Variants in TARP observed in about 807,000 individuals in gnomAD.
the TARP span, among the ~76,000 whole-genome samples, chr7:38,270,159 A>T: frequency 6.6e-6 from 1 of 151,986 alleles, no homozygotes; most frequent in Non-Finnish European, 1.5e-5. Flanking sequence ...CATTGTTATG[A>T]TTAGCAATCT....
the TARP span, among the ~76,000 whole-genome samples, chr7:38,263,396 G>A: frequency 2.0e-5 from 3 of 151,862 alleles, no homozygotes; most frequent in African/African-American, 7.3e-5. Context: ...CATATGAAAA[G>A]TACTTTGTAG....
chr7:38,266,658 T>G, the TARP span, among the ~76,000 whole-genome samples: 1 of 151,626 alleles, frequency 6.6e-6, no homozygotes, highest in African/African-American at 2.4e-5. Context: ...AGAATCTACT[T>G]CCGCATGTAC....
At chr7:38,264,025 A>G in the TARP span, among the ~76,000 whole-genome samples, 1 of 151,990 alleles carries the variant, frequency 6.6e-6, no homozygotes, top group African/African-American at 2.4e-5. Flanking sequence ...TGAGGTAAAA[A>G]GAATAAAGTA....
the TARP span, among the ~76,000 whole-genome samples, chr7:38,266,083 G>C: frequency 1.3e-4 from 19 of 150,928 alleles, no homozygotes; most frequent in Admixed American, 2.7e-4. Flanking sequence ...TGGATGGCAG[G>C]GGAAAGTGGA....
chr7:38,264,356 C>T, the TARP span, among the ~76,000 whole-genome samples: 1 of 151,452 alleles, frequency 6.6e-6, no homozygotes, highest in Non-Finnish European at 1.5e-5. Context: ...ACTTGGAGGC[C>T]GAGGTGGATG....
chr7:38,263,159 A>G, the TARP span, among the ~76,000 whole-genome samples: 1 of 151,912 alleles, frequency 6.6e-6, no homozygotes, highest in Non-Finnish European at 1.5e-5. Flanking sequence ...AATAAAAGCT[A>G]ACATCTACTG....
the TARP span, chr7:38,269,391 C>G: frequency 1.5e-6 from 1 of 646,568 alleles, no homozygotes; most frequent in Non-Finnish European, 2.8e-6. Context: ...AATCCCCATC[C>G]AATTCCTCTT....
chr7:38,266,780 T>G, the TARP span, among the ~76,000 whole-genome samples: 1 of 151,858 alleles, frequency 6.6e-6, no homozygotes, highest in Admixed American at 6.6e-5. Flanking sequence ...ACCCTCCAAG[T>G]TTTGGGATGC....
the TARP span, chr7:38,273,507 G>T: frequency 1.8e-6 from 2 of 1,131,898 alleles, no homozygotes; most frequent in Non-Finnish European, 2.6e-6. Flanking sequence ...ACCAAGGAGG[G>T]AATCCTAGAA....
chr7:38,263,215 A>ATTT, the TARP span, among the ~76,000 whole-genome samples: 1 of 146,560 alleles, frequency 6.8e-6, no homozygotes, highest in African/African-American at 2.6e-5. Context: ...CTTCCCATGC[A>ATTT]TTTTTTGTTT....
chr7:38,268,548 T>C, the TARP span, among the ~76,000 whole-genome samples: 3 of 151,360 alleles, frequency 2.0e-5, no homozygotes, highest in African/African-American at 7.3e-5. Context: ...CTTTTTTTCC[T>C]GAGACATATG....
At chr7:38,272,892 C>T in the TARP span, among the ~76,000 whole-genome samples, 1 of 151,020 alleles carries the variant, frequency 6.6e-6, no homozygotes, top group Non-Finnish European at 1.5e-5. Context: ...TTCATTTTAT[C>T]ATAAGATCTC....
the TARP span, among the ~76,000 whole-genome samples, chr7:38,269,917 C>T: frequency 1.3e-5 from 2 of 151,802 alleles, no homozygotes; most frequent in Non-Finnish European, 2.9e-5. Context: ...CTGGGCAACA[C>T]AGTGAGACCC....
chr7:38,270,026 T>C, the TARP span, among the ~76,000 whole-genome samples: 2 of 151,894 alleles, frequency 1.3e-5, no homozygotes, highest in African/African-American at 4.8e-5. Flanking sequence ...CACTTGAGCC[T>C]AGGAGTTCGA....
At chr7:38,261,422 T>C in the TARP span, among the ~76,000 whole-genome samples, 1 of 150,932 alleles carries the variant, frequency 6.6e-6, no homozygotes, top group African/African-American at 2.4e-5. Flanking sequence ...TTTAAGAGGG[T>C]TAAACAAGAA....
chr7:38,261,534 C>G, the TARP span, among the ~76,000 whole-genome samples: 1 of 151,436 alleles, frequency 6.6e-6, no homozygotes, highest in South Asian at 2.1e-4. Flanking sequence ...AACAAAACAA[C>G]TCGAGAAGCA....
the TARP span, chr7:38,265,774 G>T: frequency 3.2e-6 from 3 of 927,082 alleles, no homozygotes. Context: ...CATAAAAAGA[G>T]AAGATGCCAT....
chr7:38,273,189 T>C, the TARP span, among the ~76,000 whole-genome samples: 1 of 151,196 alleles, frequency 6.6e-6, no homozygotes, highest in Non-Finnish European at 1.5e-5. Context: ...CATTCTTTGG[T>C]CAAATTATCA....
At chr7:38,259,866 T>C in the TARP span, 4 of 494,802 alleles carry the variant, frequency 8.1e-6, no homozygotes, top group South Asian at 7.1e-5. Context: ...CATGGAGAGA[T>C]TGGTGCTGGA....
Sources: allele counts gnomAD v4.1 joint callset (sites outside exome capture counted in the v4.1 genomes callset), GRCh38; gene constraint gnomAD v4.1.1; transcripts MANE v1.5.